MCM4: variants seen among roughly 807,000 people sequenced by gnomAD.
MCM4 encodes the protein minichromosome maintenance complex component 4, also known as DNA replication licensing factor MCM4.
In MCM4, 60 loss-of-function variants were observed where a neutral mutation model predicts 88.7. That is an observed-to-expected ratio of 0.68 (90% CI 0.55 to 0.84). The LOEUF (loss-of-function observed/expected upper bound fraction) is 0.84, where lower values mean the gene tolerates loss of function less well. MCM4 is among the 40% of genes least tolerant of loss of function. The pLI is 0.00. For synonymous variants in MCM4, 465 were observed against 410.5 expected (o/e 1.13, Z -1.61); for missense variants, 1,149 against 1,105.5 (o/e 1.04, Z -0.56).
In MCM4 at chr8:47,969,981, C is replaced by G. The variant is rs749042379; in HGVS notation, c.1358C>G (p.Ser453Cys). Residue 453 changes from serine (S) to cysteine (C), a missense_variant, in exon 11 of 17, where the codon TCC (serine) becomes TGC (cysteine). Ser to Cys is a moderately radical substitution (Grantham distance 112). Coordinates refer to ENST00000649973, the MANE Select transcript of MCM4 (RefSeq NM_182746.3). ...CGTGTGGAATTGCTTAAGGAACTTT[C>G]CAGGAAACCAGACATTTATGAGAGG... ...EKRVELLKEL[S>C]RKPDIYERLA... The G allele has an allele frequency of 3.1e-6, 5 of 1,614,208 alleles. No homozygotes were observed. Among genetic ancestry groups the G allele is most frequent in the Non-Finnish European group, 4.2e-6 (5 of 1,180,040 alleles).
rs751275039 is a variant in MCM4, at chr8:47,974,825, C to T, written c.2228C>T (p.Ala743Val). Residue 743 changes from alanine to valine, a missense_variant, in exon 15 of 17, where the codon GCC becomes GTC. Ala to Val is a moderately conservative substitution (Grantham distance 64). Around this residue, in one of 3 missense-constraint regions of MCM4, gnomAD observed 238 missense variants for 241.6 expected, o/e 0.99. Transcript: ENST00000649973. Reference protein sequence around the residue: ...QLESLIRLAEAHAKVRLSNKV... With the variant: ...QLESLIRLAEVHAKVRLSNKV... ...GAGTCATTAATCCGCTTAGCAGAAG[C>T]CCATGCTAAAGTAAGATTGTCTAAC... 1 of 1,614,184 alleles carries T rather than the reference C, an allele frequency of 6.2e-7. No homozygotes were observed. The highest frequency in any genetic ancestry group is 8.5e-7 in the Non-Finnish European group (1 of 1,180,034).
In MCM4 at chr8:47,975,846, A is replaced by G; in HGVS notation, c.2497A>G (p.Ile833Val). 2 of 1,556,254 alleles carry G rather than the reference A, an allele frequency of 1.3e-6. No homozygotes were observed. Among genetic ancestry groups the G allele is most frequent in the Non-Finnish European group, 1.7e-6 (2 of 1,158,388 alleles). ...TGAAGATATTCGGGGACAATCTGAC[A>G]TAGTAAGTGTTTATATGTATTTTTT... Reference protein sequence around the residue: ...LFEDIRGQSDIAITKDMFEEA... With the variant: ...LFEDIRGQSDVAITKDMFEEA... The change falls in exon 16 of 17, where the codon ATA becomes GTA. Residue 833 changes from isoleucine (I) to valine (V), a missense_variant and splice_region_variant. Physicochemically the swap from Ile to Val is conservative, Grantham distance 29. Coordinates refer to ENST00000649973, the MANE Select transcript of MCM4 (RefSeq NM_182746.3).
In MCM4 at chr8:47,961,204, C is replaced by T. The variant is rs1044526654; in HGVS notation, c.60C>T (p.Pro20=). The T allele has an allele frequency of 1.3e-6, 2 of 1,520,912 alleles. No individual in the cohort carries two copies. The highest frequency in any genetic ancestry group is 1.8e-6 in the Non-Finnish European group (2 of 1,142,756). 94.2% of individuals were successfully genotyped at this position (1,520,912 alleles called of 1,614,324 possible). Reference sequence around the variant, plus strand: ...GCAGCCGGCGTGGAAGGGCCACCCCCGCCCAGACGCGTGAGTCCCCCGAGC... The same window carrying T: ...GCAGCCGGCGTGGAAGGGCCACCCCTGCCCAGACGCGTGAGTCCCCCGAGC... ...RRGSRRGRAT[P]AQTPRSEDAR... The change falls in exon 2 of 17, where the codon CCC becomes CCT. Residue 20 remains proline (P), a synonymous_variant. Transcript: ENST00000649973.
chr8:47,976,167 C>T (rs1172288055), intron 16 of MCM4, among the ~76,000 whole-genome samples: 2 of 151,890 alleles, frequency 1.3e-5, no homozygotes, highest in Non-Finnish European at 2.9e-5. Context: ...GTGATAAGCA[C>T]CTGAAATCCT....
chr8:47,962,517 CTCACA>C, intron 5 of MCM4, 111 bp downstream of exon 5: 3 of 1,100,008 alleles, frequency 2.7e-6, no homozygotes, highest in Non-Finnish European at 4.0e-6. Flanking sequence ...CCTGTGGTGG[CTCACA>C]CCTATAATCC....
intron 12 of MCM4, 143 bp from the exon 13 acceptor site, chr8:47,971,198 C>A: frequency 2.2e-6 from 2 of 924,100 alleles, no homozygotes; most frequent in Non-Finnish European, 3.3e-6. Context: ...AGGTGAACTG[C>A]TGAAGTCAGT....
At position 47,961,134 on chromosome 8, in the gene MCM4, C is replaced by T. The variant is rs1171947165; in HGVS notation, c.-11C>T. On this transcript the variant is annotated 5_prime_UTR_variant, in exon 2 of 17. Coordinates refer to ENST00000649973, the MANE Select transcript of MCM4 (RefSeq NM_182746.3). ...CGAGCTTGTCCTTGTCGCGCAGGTA[C>T]TCCGAGCACTATGTCGTCCCCGGCG... 1 of 1,552,662 alleles carries T rather than the reference C, an allele frequency of 6.4e-7. No individual in the cohort carries two copies. Among genetic ancestry groups the T allele is most frequent in the South Asian group, 1.2e-5 (1 of 86,308 alleles).
intron 9 of MCM4, among the ~76,000 whole-genome samples, chr8:47,967,148 G>T (rs183394589): frequency 7.9e-5 from 12 of 152,322 alleles, no homozygotes; most frequent in Admixed American, 7.2e-4. Context: ...TTCCCCCACC[G>T]CAGCTCCCTA....
chr8:47,963,034 C>T lies in MCM4; in HGVS notation c.687C>T (p.Tyr229=). Residue 229 remains tyrosine (Y), a synonymous_variant, in exon 7 of 17, where the codon TAC becomes TAT. Transcript: ENST00000649973. Reference sequence around the variant, plus strand: ...ATTTGTACAGACAACTCATCTCTTACCCACAGGTAAGAATTTAGCTTTGAC... The same window carrying T: ...ATTTGTACAGACAACTCATCTCTTATCCACAGGTAAGAATTTAGCTTTGAC... ...DKNLYRQLIS[Y]PQEVIPTFDM... is the part of the protein sequence containing the mutation. The T allele has an allele frequency of 6.3e-7, 1 of 1,575,876 alleles. No individual in the cohort carries two copies. Among genetic ancestry groups the T allele is most frequent in the Non-Finnish European group, 8.7e-7 (1 of 1,155,448 alleles).
rs1361896096 is a variant in MCM4, at chr8:47,961,151, TC to T, written c.11del (p.Pro4ArgfsTer87). 2.6e-6 allele frequency: 4 copies of T among 1,550,866 alleles called. No individual in the cohort carries two copies. The highest frequency in any genetic ancestry group is 1.2e-5 in the South Asian group (1 of 86,070). On this transcript the variant is annotated frameshift_variant, in exon 2 of 17. Transcript: ENST00000649973. LOFTEE classifies it high-confidence loss of function. MS[S>X]PASTPSRRGS... ...CGCAGGTACTCCGAGCACTATGTCG[TC>T]CCCGGCGTCGACCCCGAGCCGCCGC... is the stretch of plus-strand genomic sequence containing the variant.
chr8:47,968,597 G>A (rs1432338603), intron 10 of MCM4, among the ~76,000 whole-genome samples: 4 of 152,106 alleles, frequency 2.6e-5, no homozygotes, highest in Non-Finnish European at 4.4e-5. Flanking sequence ...AAATCATTCC[G>A]GGCCACTTTA....
At chr8:47,961,286 C>T in intron 2 of MCM4, 72 bp downstream of exon 2, 1 of 1,429,668 alleles carries the variant, frequency 7.0e-7, no homozygotes, top group South Asian at 1.5e-5. Flanking sequence ...CAGCTGGCAG[C>T]GCTGGGTGGG....
intron 2 of MCM4, 131 bp from the exon 3 acceptor site, chr8:47,961,385 T>C (rs2090830076): frequency 1.9e-6 from 3 of 1,547,740 alleles, no homozygotes; most frequent in Non-Finnish European, 2.6e-6. Flanking sequence ...TGGGTGCTGC[T>C]TAATTCGATT....
At chr8:47,974,605 C>G (rs2090984878) in intron 14 of MCM4, 129 bp from the exon 15 acceptor site, 1 of 727,134 alleles carries the variant, frequency 1.4e-6, no homozygotes, top group African/African-American at 1.8e-5. Context: ...ACTTGATGAG[C>G]TCCGGGGCCC....
intron 9 of MCM4, 61 bp downstream of exon 9, chr8:47,966,468 A>G: frequency 6.8e-7 from 1 of 1,473,558 alleles, no homozygotes; most frequent in Non-Finnish European, 9.2e-7. Flanking sequence ...CAAAAGGCCA[A>G]CTATAACTTG....
chr8:47,966,570 A>G (rs539648114), intron 9 of MCM4, among the ~76,000 whole-genome samples, 163 bp downstream of exon 9: 1 of 152,334 alleles, frequency 6.6e-6, no homozygotes, highest in African/African-American at 2.4e-5. Flanking sequence ...AAATATGCAG[A>G]GCACGCAAAG....
chr8:47,971,304 A>C, intron 12 of MCM4, 37 bp from the exon 13 acceptor site: 1 of 1,611,722 alleles, frequency 6.2e-7, no homozygotes. Flanking sequence ...TGCCAGCGTC[A>C]GGGAGAGGCT....
At position 47,966,382 on chromosome 8, in the gene MCM4, G is replaced by A. The variant is rs752237454; in HGVS notation, c.1028G>A (p.Arg343His). 47 of 1,612,034 alleles carry A rather than the reference G, an allele frequency of 2.9e-5. No homozygotes were observed. The highest frequency in any genetic ancestry group is 5.3e-5 in the African/African-American group (4 of 74,870). Residue 343 changes from arginine to histidine, a missense_variant, in exon 9 of 17, where the codon CGC (arginine) becomes CAC (histidine). This residue lies in a region of MCM4 where 906 missense variants were observed against 843.0 expected (regional missense o/e 1.07). Coordinates refer to ENST00000649973, the MANE Select transcript of MCM4 (RefSeq NM_182746.3). ...TTHSMALIHNRSLFSDKQMIK... is the reference protein window; with the variant it reads ...TTHSMALIHNHSLFSDKQMIK... ...CACAGCATGGCACTCATCCACAACC[G>A]CTCCCTCTTCTCTGACAAGCAGATG...
Position 47,967,436 on chromosome 8 carries a change from CAAT to C in MCM4, c.1126_1128del (p.Asn376del), listed in dbSNP as rs758924417. The C allele has an allele frequency of 5.0e-6, 8 of 1,614,068 alleles. No individual in the cohort carries two copies. In the African/African-American group the frequency reaches 6.7e-5, roughly 13 times the overall value. On this transcript the variant is annotated inframe_deletion, in exon 10 of 17. Coordinates refer to ENST00000649973, the MANE Select transcript of MCM4 (RefSeq NM_182746.3). ...CACACACAGTTATCCTGTTTGCTCA[CAAT>C]GATCTCGTTGACAAGGTCCAGCCTG... is the stretch of plus-strand genomic sequence containing the variant.
Sources: gnomAD v4.1 joint callset for allele counts (sites outside exome capture counted in the v4.1 genomes callset) on GRCh38, gnomAD v4.1.1 for gene constraint, gnomAD v4.1.1 regional missense constraint, MANE v1.5 for transcripts, NCBI Gene and HGNC (gene_info 2026-07-23, HGNC 2026-07-21) for gene names.